Variants in DLG2 observed in about 807,000 individuals in gnomAD.
DLG2 encodes the protein disks large homolog 2.
In DLG2, 45 loss-of-function variants were observed where a neutral mutation model predicts 132.5. The observed-to-expected ratio is 0.34, with a 90% confidence interval of 0.27 to 0.44. DLG2 has a LOEUF of 0.44. Ranked by LOEUF, DLG2 falls within the 20% of genes least tolerant of loss-of-function variation. DLG2 has a pLI of 1.00. For synonymous variants in DLG2, 424 were observed against 419.6 expected, an observed-to-expected ratio of 1.01 and a Z score of -0.13; for missense variants, 1,045 against 1,196.9, an observed-to-expected ratio of 0.87 and a Z score of 1.87.
chr11:84,556,856 A>G (rs551144036), intron 6 of DLG2, among the ~76,000 whole-genome samples: 2 of 152,358 alleles, frequency 1.3e-5, no homozygotes, highest in African/African-American at 2.4e-5. Context: ...GCTAAGGATA[A>G]TGGCCCTACA....
At chr11:84,957,552 C>A (rs1359145890) in intron 6 of DLG2, among the ~76,000 whole-genome samples, 2 of 152,138 alleles carry the variant, frequency 1.3e-5, no homozygotes. Flanking sequence ...AACTCAAATG[C>A]CACCTCCTCT....
intron 6 of DLG2, among the ~76,000 whole-genome samples, chr11:85,081,487 A>G (rs935443034): frequency 6.6e-6 from 1 of 152,162 alleles, no homozygotes; most frequent in Non-Finnish European, 1.5e-5. Flanking sequence ...TTGCTTCTCA[A>G]GGTGGGTCCT....
At chr11:83,538,829 G>T (rs1054185960) in intron 20 of DLG2, among the ~76,000 whole-genome samples, 15 of 152,170 alleles carry the variant, frequency 9.9e-5, no homozygotes, top group African/African-American at 3.4e-4. Context: ...CACAAGTGAT[G>T]GGCTCCAGGT....
chr11:85,604,248 C>A (rs1188434220), intron 2 of DLG2, among the ~76,000 whole-genome samples: 3 of 152,204 alleles, frequency 2.0e-5, no homozygotes, highest in South Asian at 2.1e-4. Context: ...CACACACCAG[C>A]ATCTAGGGCT....
chr11:84,063,320 T>C (rs572293562), intron 10 of DLG2, among the ~76,000 whole-genome samples: 3 of 152,326 alleles, frequency 2.0e-5, no homozygotes, highest in South Asian at 4.1e-4. Flanking sequence ...TTTAGAAATT[T>C]TGGTGCATTC....
chr11:83,884,644 C>T (rs934289336), intron 15 of DLG2, among the ~76,000 whole-genome samples: 7 of 152,232 alleles, frequency 4.6e-5, no homozygotes, highest in African/African-American at 1.7e-4. Context: ...ACTGCCTCCT[C>T]AAGTGGGTCC....
intron 14 of DLG2, among the ~76,000 whole-genome samples, chr11:83,948,722 G>A (rs2084692318): frequency 6.6e-6 from 1 of 151,964 alleles, no homozygotes; most frequent in Non-Finnish European, 1.5e-5. Flanking sequence ...AACTGCCTAT[G>A]TTTAGACACC....
chr11:85,305,881 C>G (rs1166353483), intron 3 of DLG2, among the ~76,000 whole-genome samples: 1 of 152,154 alleles, frequency 6.6e-6, no homozygotes, highest in Non-Finnish European at 1.5e-5. Context: ...AAATGTGCAG[C>G]ACTTAGTATA....
At chr11:85,180,043 G>GA (rs1398919558) in intron 4 of DLG2, among the ~76,000 whole-genome samples, 3 of 151,872 alleles carry the variant, frequency 2.0e-5, no homozygotes, top group African/African-American at 7.2e-5. Flanking sequence ...ATTCTGCTAA[G>GA]ACTCAATATA....
At chr11:83,564,424 T>C (rs1284469122) in intron 19 of DLG2, among the ~76,000 whole-genome samples, 4 of 152,162 alleles carry the variant, frequency 2.6e-5, no homozygotes, top group South Asian at 2.1e-4. Context: ...CATCCCCTCA[T>C]TGCTTCACAA....
chr11:85,406,014 T>A (rs747236491), intron 3 of DLG2, among the ~76,000 whole-genome samples: 23 of 151,930 alleles, frequency 1.5e-4, no homozygotes, highest in Non-Finnish European at 1.5e-4. Context: ...TCATTTTAAG[T>A]CAACAGTTAT....
intron 18 of DLG2, among the ~76,000 whole-genome samples, chr11:83,744,590 C>T (rs1162849590): frequency 2.6e-5 from 4 of 152,152 alleles, no homozygotes; most frequent in African/African-American, 9.7e-5. Context: ...ACAGTATGTT[C>T]TAGAAAACAG....
chr11:84,640,967 A>AC (rs1168611715), intron 6 of DLG2, among the ~76,000 whole-genome samples: 5 of 151,112 alleles, frequency 3.3e-5, no homozygotes, highest in African/African-American at 9.7e-5. Context: ...AAAAAAAACA[A>AC]AAAAAAAACA....
At chr11:83,580,459 A>C (rs2096951770) in intron 19 of DLG2, among the ~76,000 whole-genome samples, 1 of 152,158 alleles carries the variant, frequency 6.6e-6, no homozygotes, top group South Asian at 2.1e-4. Context: ...GGGCTAGTTC[A>C]ATAAAGTTCT....
rs115812095 is a variant in DLG2 at position 83,940,152 on chromosome 11, A to C, written c.1341-9669T>G. The stretch of plus-strand genomic sequence containing the variant: ...AGCACTGCCTTGCTCTCTTTAGAGA[A>C]GGCTTTTTGCTAAGAAGCACCTTTA... On this transcript the variant is annotated intron_variant, in intron 14 of 27. Coordinates refer to ENST00000376104, the MANE Select transcript of DLG2 (RefSeq NM_001142699.3). Among the ~76,000 whole-genome samples the C allele has an allele frequency of 1.5e-3, 232 of 152,308 alleles. 1 individual carries two copies. Among genetic ancestry groups the C allele is most frequent in the African/African-American group, 5.2e-3 (217 of 41,584 alleles).
intron 9 of DLG2, among the ~76,000 whole-genome samples, chr11:84,155,963 T>C (rs1017194107): frequency 6.6e-6 from 1 of 152,156 alleles, no homozygotes; most frequent in Non-Finnish European, 1.5e-5. Flanking sequence ...GGCTGCAATA[T>C]TGCACATACA....
chr11:84,971,947 G>A (rs1012136875), intron 6 of DLG2, among the ~76,000 whole-genome samples: 2 of 152,052 alleles, frequency 1.3e-5, no homozygotes, highest in Admixed American at 1.3e-4. Context: ...ATATTTCTAA[G>A]GCACTTTGCT....
intron 15 of DLG2, among the ~76,000 whole-genome samples, chr11:83,903,479 T>C (rs1382724525): frequency 2.0e-5 from 3 of 152,138 alleles, no homozygotes; most frequent in African/African-American, 4.8e-5. Context: ...ATTAATTGAT[T>C]CTCAGTCTCA....
intron 7 of DLG2, among the ~76,000 whole-genome samples, chr11:84,306,949 T>C (rs932742890): frequency 6.6e-6 from 1 of 152,172 alleles, no homozygotes; most frequent in African/African-American, 2.4e-5. Context: ...CTCAAAGAAC[T>C]TAAAAAAGAA....
Sources: gnomAD v4.1 joint callset for allele counts (sites outside exome capture counted in the v4.1 genomes callset) on GRCh38, gnomAD v4.1.1 for gene constraint, MANE v1.5 for transcripts, NCBI Gene and HGNC (gene_info 2026-07-23, HGNC 2026-07-21) for gene names.